The following CLTA variants were observed in gnomAD, a reference collection of about 807,000 sequenced individuals.
CLTA encodes clathrin light chain A, also known as clathrin, light polypeptide (Lca).
Under a neutral mutation model 26.9 loss-of-function variants are expected in CLTA, and 9 were observed. The observed-to-expected ratio is 0.33, with a 90% CI of 0.20 to 0.58. CLTA has a LOEUF of 0.58. Among genes scored for constraint, CLTA ranks in the 20% least tolerant of loss-of-function variants. The probability of loss-of-function intolerance (pLI) is 0.85; values close to 1 mark genes in which losing one functional copy is unlikely to be tolerated. For synonymous variants in CLTA, 120 were observed against 115.5 expected (o/e 1.04, Z -0.25); for missense variants, 278 against 294.2 (o/e 0.94, Z 0.40).
intron 4 of CLTA, among the ~76,000 whole-genome samples, chr9:36,204,681 T>C (rs768057980): frequency 3.9e-5 from 6 of 152,232 alleles, no homozygotes; most frequent in South Asian, 2.1e-4. Flanking sequence ...TGGGTACTTA[T>C]TTGTGCCTTA....
At chr9:36,198,753 A>G (rs1397084296) in intron 2 of CLTA, among the ~76,000 whole-genome samples, 1 of 150,754 alleles carries the variant, frequency 6.6e-6, no homozygotes, top group Admixed American at 6.6e-5. Flanking sequence ...GGCACCTGTA[A>G]TCTCAGCTAC....
chr9:36,191,318 C>G (rs1324077164), intron 1 of CLTA, 45 bp downstream of exon 1: 1 of 1,472,300 alleles, frequency 6.8e-7, no homozygotes, highest in South Asian at 1.3e-5. Flanking sequence ...TGTCTGGAAA[C>G]TCGGTCCACA....
In CLTA at chr9:36,211,913, G is replaced by A; in HGVS notation, c.*139G>A. The A allele has an allele frequency of 1.3e-6, 1 of 749,236 alleles. No homozygotes were observed. The highest frequency in any genetic ancestry group is 2.2e-6 in the Non-Finnish European group (1 of 451,444). The allele number at this position is 749,236 out of a possible 1,614,324, so 46.4% of individuals were successfully genotyped here. A position where few individuals can be genotyped will look rare whatever the true frequency, so the allele number is the denominator to read the frequency against. ...TTAGAGTTGTTCATTGTTTGTGATTGCATGTTTCCTTCCTTCAACTGTGTT... is the reference window on the plus strand; with the variant it reads ...TTAGAGTTGTTCATTGTTTGTGATTACATGTTTCCTTCCTTCAACTGTGTT... On this transcript the variant is annotated 3_prime_UTR_variant, in exon 5 of 5. Coordinates refer to ENST00000345519, the MANE Select transcript of CLTA (RefSeq NM_001833.4).
intron 4 of CLTA, chr9:36,209,341 C>T (rs1563918371): frequency 4.6e-6 from 7 of 1,515,666 alleles, no homozygotes; most frequent in Middle Eastern, 1.7e-4. Context: ...AAACTAATTC[C>T]TTTTTCTACA....
intron 1 of CLTA, among the ~76,000 whole-genome samples, chr9:36,193,962 AG>A (rs1826885765): frequency 6.6e-6 from 1 of 152,178 alleles, no homozygotes; most frequent in South Asian, 2.1e-4. Context: ...CTCAATCATG[AG>A]GGCTGAGTCG....
chr9:36,208,563 T>C (rs903816980), intron 4 of CLTA, among the ~76,000 whole-genome samples: 16 of 152,098 alleles, frequency 1.1e-4, no homozygotes, highest in African/African-American at 3.4e-4. Flanking sequence ...TCCTGTAAGG[T>C]TGAGATTTTA....
At chr9:36,197,645 G>C in intron 2 of CLTA, 57 bp downstream of exon 2, 1 of 1,346,440 alleles carries the variant, frequency 7.4e-7, no homozygotes, top group South Asian at 1.2e-5. Context: ...CCTTTCCTGT[G>C]ATTTTAATTG....
intron 4 of CLTA, among the ~76,000 whole-genome samples, chr9:36,207,774 A>G (rs1827805875): frequency 6.6e-6 from 1 of 152,222 alleles, no homozygotes; most frequent in African/African-American, 2.4e-5. Context: ...TGTCTTAGTG[A>G]TGATTTGACA....
chr9:36,197,512 C>G, intron 1 of CLTA, 39 bp from the exon 2 acceptor site: 1 of 1,530,676 alleles, frequency 6.5e-7, no homozygotes, highest in Non-Finnish European at 9.0e-7. Context: ...CAGTGTTTGA[C>G]CAGTCCTTAT....
chr9:36,204,208 T>C, intron 4 of CLTA, 29 bp downstream of exon 4: 3 of 1,591,722 alleles, frequency 1.9e-6, no homozygotes, highest in South Asian at 2.3e-5. Flanking sequence ...TAGCACACTT[T>C]GTTTTCCAAA....
chr9:36,209,365 A>T, intron 4 of CLTA: 1 of 1,449,130 alleles, frequency 6.9e-7, no homozygotes. Flanking sequence ...GATTCTTTCT[A>T]CTTTTGTTTA....
Position 36,191,157 on chromosome 9 carries a change from C to T in CLTA, c.101C>T (p.Ala34Val). ...AGAGEEDPAAAFLAQQESEIA... is the reference protein window; with the variant it reads ...AGAGEEDPAAVFLAQQESEIA... ...GCCGGCGAAGAAGACCCGGCTGCGG[C>T]CTTCTTGGCGCAGCAAGAGAGCGAG... The change falls in exon 1 of 5, where the codon GCC becomes GTC. Residue 34 changes from alanine (A) to valine (V), a missense_variant. Transcript: ENST00000345519. The T allele has an allele frequency of 1.3e-6, 2 of 1,598,356 alleles. No homozygotes were observed. The highest frequency in any genetic ancestry group is 1.7e-6 in the Non-Finnish European group (2 of 1,174,842).
Position 36,191,036 on chromosome 9 carries a change from C to A in CLTA, c.-21C>A. ...TGGTTTTTGTCTCACCGTTGGTGTC[C>A]GTGCCGTTCAGTTGCCCGCCATGGC... On this transcript the variant is annotated 5_prime_UTR_variant, in exon 1 of 5. Transcript: ENST00000345519. The A allele has an allele frequency of 6.6e-7, 1 of 1,514,900 alleles. No homozygotes were observed. The highest frequency in any genetic ancestry group is 8.7e-7 in the Non-Finnish European group (1 of 1,143,404). The allele number at this position is 1,514,900 out of a possible 1,614,324, so 93.8% of individuals were successfully genotyped here. A position where few individuals can be genotyped will look rare whatever the true frequency, so the allele number is the denominator to read the frequency against.
chr9:36,204,165 A>C lies in CLTA; in HGVS notation c.471A>C (p.Thr157=). 6.2e-7 allele frequency: 1 copy of C among 1,613,922 alleles called. No homozygotes were observed. Among genetic ancestry groups the C allele is most frequent in the Non-Finnish European group, 8.5e-7 (1 of 1,179,886 alleles). ...YARQDEQLQK[T]KANNRAAEEA... is the part of the protein sequence containing the mutation. ...GACAGGACGAGCAGCTACAGAAAACAAAAGCAAACAACAGGTCAGTCCGTG... is the reference window on the plus strand; with the variant it reads ...GACAGGACGAGCAGCTACAGAAAACCAAAGCAAACAACAGGTCAGTCCGTG... Residue 157 remains threonine (T), a synonymous_variant, in exon 4 of 5, where the codon ACA becomes ACC. Transcript: ENST00000345519.
intron 3 of CLTA, among the ~76,000 whole-genome samples, 173 bp downstream of exon 3, chr9:36,199,269 G>A (rs1206804006): frequency 6.6e-6 from 1 of 152,026 alleles, no homozygotes; most frequent in East Asian, 1.9e-4. Flanking sequence ...CTAATCACAG[G>A]CCATTGTGTG....
chr9:36,211,462 TG>T, intron 4 of CLTA, 140 bp from the exon 5 acceptor site: 1 of 1,140,688 alleles, frequency 8.8e-7, no homozygotes. Context: ...GAGTCTGACC[TG>T]GGCCAGGGGC....
At chr9:36,196,641 G>A (rs1460903767) in intron 1 of CLTA, among the ~76,000 whole-genome samples, 4 of 151,974 alleles carry the variant, frequency 2.6e-5, no homozygotes, top group Admixed American at 1.3e-4. Flanking sequence ...GAGCCACCGC[G>A]CCCAGCTGTA....
chr9:36,197,809 C>T (rs1267357228), intron 2 of CLTA, among the ~76,000 whole-genome samples: 1 of 152,142 alleles, frequency 6.6e-6, no homozygotes, highest in African/African-American at 2.4e-5. Context: ...GTGTTATCAC[C>T]TTTATTCTAA....
At position 36,190,938 on chromosome 9, in the gene CLTA, C is replaced by G. The variant is rs978938535; in HGVS notation, c.-119C>G. ...TAGGGCTTCCGCTTTACCCGTCTCC[C>G]TCCTGGCGCTTGTCCTCCTCTCCCA... On this transcript the variant is annotated 5_prime_UTR_variant, in exon 1 of 5. Transcript: ENST00000345519. The G allele has an allele frequency of 1.9e-4, 275 of 1,421,042 alleles. 1 individual carries two copies. The highest frequency in any genetic ancestry group is 2.3e-4 in the Non-Finnish European group (256 of 1,094,378). The allele number at this position is 1,421,042 out of a possible 1,614,324, so 88.0% of individuals were successfully genotyped here. A position where few individuals can be genotyped will look rare whatever the true frequency, so the allele number is the denominator to read the frequency against.
Sources: gnomAD v4.1 joint callset for allele counts (sites outside exome capture counted in the v4.1 genomes callset) on GRCh38, gnomAD v4.1.1 for gene constraint, MANE v1.5 for transcripts, NCBI Gene and HGNC (gene_info 2026-07-23, HGNC 2026-07-21) for gene names.